ZFHX3: variants seen among roughly 807,000 people sequenced by gnomAD.
ZFHX3 encodes zinc finger homeobox protein 3.
In ZFHX3, 42 loss-of-function variants were observed where a neutral mutation model predicts 279.1. The observed-to-expected ratio is 0.15, with a 90% CI of 0.12 to 0.19. The LOEUF is 0.19. Ranked by LOEUF, ZFHX3 falls within the 10% of genes least tolerant of loss-of-function variation. ZFHX3 has a pLI of 1.00. For synonymous variants in ZFHX3, 2,293 were observed against 1,957.8 expected, an observed-to-expected ratio of 1.17 and a Z score of -4.52; for missense variants, 4,981 against 4,754.0, an observed-to-expected ratio of 1.05 and a Z score of -1.40.
chr16:73,487,172 A>G (rs2018990339), intron 2 of ZFHX3, among the ~76,000 whole-genome samples: 1 of 152,178 alleles, frequency 6.6e-6, no homozygotes, highest in Non-Finnish European at 1.5e-5. Context: ...CAATAGGGAG[A>G]GTGCTAGGGC....
intron 1 of ZFHX3, among the ~76,000 whole-genome samples, chr16:73,022,056 T>G (rs1039431463): frequency 7.2e-5 from 11 of 152,190 alleles, no homozygotes; most frequent in Non-Finnish European, 4.4e-5. Context: ...CCTGCCCTCG[T>G]CCCGCCTCCT....
chr16:73,623,328 G>A (rs979482479), intron 2 of ZFHX3, among the ~76,000 whole-genome samples: 4 of 151,962 alleles, frequency 2.6e-5, no homozygotes. Flanking sequence ...GAGCCACTGC[G>A]CCCGGCCGGG....
chr16:73,884,542 T>C (rs1051080595), intron 1 of ZFHX3, among the ~76,000 whole-genome samples: 2 of 152,204 alleles, frequency 1.3e-5, no homozygotes, highest in Admixed American at 1.3e-4. Context: ...TTGTTTTGGA[T>C]TCAAAAGCAC....
intron 3 of ZFHX3, among the ~76,000 whole-genome samples, chr16:72,910,217 T>A (rs551425679): frequency 6.6e-6 from 1 of 152,290 alleles, no homozygotes; most frequent in African/African-American, 2.4e-5. Context: ...AGTGATGGAA[T>A]TACTAACAAC....
intron 3 of ZFHX3, among the ~76,000 whole-genome samples, chr16:72,910,787 T>C (rs928928522): frequency 6.6e-6 from 1 of 152,114 alleles, no homozygotes; most frequent in Non-Finnish European, 1.5e-5. Context: ...TTTGCCTCTT[T>C]AGACATTAAA....
intron 2 of ZFHX3, among the ~76,000 whole-genome samples, chr16:73,592,734 TA>T (rs1410891443): frequency 1.8e-5 from 2 of 110,936 alleles, no homozygotes; most frequent in Non-Finnish European, 4.3e-5. Context: ...TTTTTCATAA[TA>T]AAAAGGTTTT....
At chr16:72,962,128 G>A (rs1368353946) in intron 1 of ZFHX3, among the ~76,000 whole-genome samples, 1 of 152,222 alleles carries the variant, frequency 6.6e-6, no homozygotes, top group Non-Finnish European at 1.5e-5. Flanking sequence ...TGCTTGGTAA[G>A]TTACAGGAAC....
intron 7 of ZFHX3, among the ~76,000 whole-genome samples, chr16:73,098,489 G>A (rs1966194200): frequency 6.6e-6 from 1 of 152,168 alleles, no homozygotes; most frequent in South Asian, 2.1e-4. Context: ...AGCTTCCTGA[G>A]TAGCTGGGAT....
At chr16:73,143,753 T>C in exon 6 of ZFHX3, 1 of 1,305,480 alleles carries the variant, frequency 7.7e-7, no homozygotes, top group Non-Finnish European at 1.0e-6. Context: ...GGAACTCACC[T>C]CTCTAATTCC....
chr16:72,796,909 C>A lies in ZFHX3; in HGVS notation c.5773G>T (p.Gly1925Cys). The change falls in exon 9 of 10, where the codon GGT becomes TGT. Residue 1925 changes from glycine to cysteine, a missense_variant. Coordinates refer to ENST00000268489, the MANE Select transcript of ZFHX3 (RefSeq NM_006885.4). ...AKEKKELAPG[G>C]GSEPSMLPPR... The stretch of plus-strand genomic sequence containing the variant: ...GGGAGCATGGAAGGCTCAGAACCAC[C>A]CCCTGGTGCCAACTCTTTCTTCTCT... The A allele has an allele frequency of 1.2e-6, 2 of 1,613,894 alleles. No homozygotes were observed.
chr16:73,795,477 G>A (rs1394427120), intron 1 of ZFHX3, among the ~76,000 whole-genome samples: 2 of 152,148 alleles, frequency 1.3e-5, no homozygotes, highest in Admixed American at 1.3e-4. Context: ...CTTGGCTGAT[G>A]AGAGATGACA....
At chr16:73,296,879 T>TTTTTTTTG (rs1567443081) in intron 4 of ZFHX3, among the ~76,000 whole-genome samples, 4 of 38,606 alleles carry the variant, frequency 1.0e-4, no homozygotes, top group African/African-American at 4.7e-4. Context: ...AAGCAGGAAT[T>TTTTTTTTG]TTTTTTTTTT....
intron 7 of ZFHX3, among the ~76,000 whole-genome samples, chr16:72,810,903 T>G (rs967606546): frequency 6.6e-6 from 1 of 152,150 alleles, no homozygotes; most frequent in East Asian, 1.9e-4. Context: ...TTTAAAGAGA[T>G]AGAGTCTCCC....
intron 3 of ZFHX3, among the ~76,000 whole-genome samples, chr16:72,926,792 C>A (rs111967104): frequency 1.8e-4 from 28 of 152,222 alleles, no homozygotes; most frequent in African/African-American, 6.3e-4. Context: ...ACCAATGTTT[C>A]TACTCCTGGC....
intron 1 of ZFHX3, among the ~76,000 whole-genome samples, chr16:73,854,384 G>A: frequency 6.6e-6 from 1 of 152,022 alleles, no homozygotes; most frequent in East Asian, 1.9e-4. Context: ...AAAATTAGCT[G>A]GGCGTGGTAG....
rs150104761 is a variant in ZFHX3, at chr16:73,510,889, G to A, written c.-1546-54631C>T. On this transcript the variant is annotated intron_variant, in intron 2 of 17. Coordinates refer to the ZFHX3 transcript ENST00000641206. Reference sequence around the variant, plus strand: ...TGGACTCATATAGGGCAACTCACACGTGCTGTGGCACATCTCCTCTACCCT... The same window carrying A: ...TGGACTCATATAGGGCAACTCACACATGCTGTGGCACATCTCCTCTACCCT... 2.7e-4 allele frequency among the ~76,000 whole-genome samples: 41 copies of A among 152,338 alleles called. No individual in the cohort carries two copies. In the South Asian group the frequency reaches 3.1e-3, roughly 12 times the overall value.
intron 3 of ZFHX3, among the ~76,000 whole-genome samples, chr16:73,344,326 T>C (rs2016087576): frequency 6.6e-6 from 1 of 152,166 alleles, no homozygotes; most frequent in Admixed American, 6.5e-5. Flanking sequence ...AGTAACCTTC[T>C]ACAAAATAAA....
At chr16:73,823,153 A>G (rs985698688) in intron 1 of ZFHX3, among the ~76,000 whole-genome samples, 3 of 152,206 alleles carry the variant, frequency 2.0e-5, no homozygotes, top group African/African-American at 7.2e-5. Flanking sequence ...TGAAGCTTTC[A>G]GTATTTATAA....
intron 4 of ZFHX3, among the ~76,000 whole-genome samples, chr16:73,279,763 T>C (rs543040942): frequency 5.3e-5 from 8 of 152,290 alleles, no homozygotes; most frequent in African/African-American, 1.9e-4. Flanking sequence ...GCACAGAATA[T>C]TAACCCTGCT....
Sources: allele counts gnomAD v4.1 joint callset (sites outside exome capture counted in the v4.1 genomes callset), GRCh38; gene constraint gnomAD v4.1.1; transcripts MANE v1.5; gene names NCBI Gene and HGNC (gene_info 2026-07-23, HGNC 2026-07-21).